Variants in SHBG observed in about 807,000 individuals in gnomAD.
SHBG encodes the protein sex hormone binding globulin, also known as sex hormone-binding globulin.
A neutral mutation model predicts 41.9 loss-of-function variants in SHBG; 37 were observed. The ratio of observed to expected loss-of-function variants is 0.88; its 90% CI spans 0.68 to 1.16. SHBG has a LOEUF of 1.16. Ranked by LOEUF, SHBG falls within the 50% of genes most tolerant of loss-of-function variation. The pLI is 0.00. For synonymous variants in SHBG, 217 were observed against 205.8 expected (o/e 1.05, Z -0.47); for missense variants, 466 against 499.9 (o/e 0.93, Z 0.65).
At chr17:7,628,009 C>A (rs765618129), upstream of SHBG, 1 of 486,090 alleles carries the variant, frequency 2.1e-6, no homozygotes, top group South Asian at 1.5e-5. Flanking sequence ...TGGAGTGAAG[C>A]GGCTTCCTTG....
chr17:7,620,409 C>T (rs959737437), intron 1 of SHBG, among the ~76,000 whole-genome samples: 1 of 152,162 alleles, frequency 6.6e-6, no homozygotes, highest in Non-Finnish European at 1.5e-5. Flanking sequence ...CCCTGCCTCC[C>T]GGGTTCAAGA....
intron 1 of SHBG, among the ~76,000 whole-genome samples, chr17:7,618,990 G>A (rs2072041669): frequency 6.6e-6 from 1 of 152,156 alleles, no homozygotes; most frequent in African/African-American, 2.4e-5. Flanking sequence ...AGCAAACAGA[G>A]AGGACAAGGC....
chr17:7,620,506 G>A (rs944569663), intron 1 of SHBG, among the ~76,000 whole-genome samples: 9 of 151,884 alleles, frequency 5.9e-5, no homozygotes, highest in African/African-American at 1.2e-4. Flanking sequence ...TAGTAGAGAC[G>A]GGTGGGGTTT....
intron 1 of SHBG, among the ~76,000 whole-genome samples, chr17:7,621,062 C>T (rs1395682868): frequency 7.7e-6 from 1 of 129,358 alleles, no homozygotes; most frequent in Admixed American, 9.4e-5. Context: ...CACCACTGCA[C>T]TTGGCCTGGG....
In SHBG at chr17:7,630,367, G is replaced by A. The variant is rs776432399; in HGVS notation, c.112-49G>A. The A allele has an allele frequency of 1.9e-6, 3 of 1,597,182 alleles. No individual in the cohort carries two copies. The highest frequency in any genetic ancestry group is 2.2e-5 in the South Asian group (2 of 90,736). ...TGTAGCAGGGCCTCTCCCTCTGTCT[G>A]TCTCTGACATGTCCCTACTCAGCTT... On this transcript the variant is annotated intron_variant, in intron 1 of 7. Transcript: ENST00000380450. The surrounding 1 kb of genome is among the most constrained non-coding windows in gnomAD (Gnocchi z 4.6).
Position 7,631,592 on chromosome 17 carries a change from G to T in SHBG, c.559G>T (p.Val187Phe). 1.2e-6 allele frequency: 2 copies of T among 1,614,076 alleles called. No individual in the cohort carries two copies. The highest frequency in any genetic ancestry group is 8.5e-7 in the Non-Finnish European group (1 of 1,180,026). ...TCTTATCTCTGTCACACTCCAGCTG[G>T]TTCCTGCCCTGGATGGCTGCCTGCG... ...FPASNLRLPL[V>F]PALDGCLRRD... The change falls in exon 5 of 8, where the codon GTT becomes TTT. Residue 187 changes from valine to phenylalanine, a missense_variant. Transcript: ENST00000380450.
chr17:7,619,169 T>G (rs961848948), intron 1 of SHBG, among the ~76,000 whole-genome samples: 3 of 151,942 alleles, frequency 2.0e-5, no homozygotes, highest in Non-Finnish European at 4.4e-5. Flanking sequence ...GGTGGGCAGA[T>G]CACCTGAGGT....
Position 7,614,855 on chromosome 17 carries a change from C to T in SHBG, c.-62+744C>T, listed in dbSNP as rs1045187022. ...TCCCGGGACCCGCTGCTGCCGCTGC[C>T]GCTCCACAGCCTCCACCTCCCCCTG... On this transcript the variant is annotated intron_variant, in intron 1 of 5. Coordinates refer to the SHBG transcript ENST00000570547. 8 of 161,688 alleles carry T rather than the reference C, an allele frequency of 4.9e-5. No individual in the cohort carries two copies. In the South Asian group the frequency reaches 1.4e-3, roughly 28 times the overall value. The allele number at this position is 161,688 out of a possible 1,614,324, so 10.0% of individuals were successfully genotyped here. A position where few individuals can be genotyped will look rare whatever the true frequency, so the allele number is the denominator to read the frequency against.
In SHBG at chr17:7,632,964, G is replaced by C; in HGVS notation, c.1060+5G>C. The C allele has an allele frequency of 6.2e-7, 1 of 1,611,940 alleles. No individual in the cohort carries two copies. The highest frequency in any genetic ancestry group is 8.5e-7 in the Non-Finnish European group (1 of 1,178,220). On this transcript the variant is annotated splice_donor_5th_base_variant and intron_variant, in intron 7 of 7. Transcript: ENST00000380450. Reference sequence around the variant, plus strand: ...TCTTCCTGGGGGCTTTACCAGGTAAGAGAGAATGATGTTCAAGTTCATGAG... The same window carrying C: ...TCTTCCTGGGGGCTTTACCAGGTAACAGAGAATGATGTTCAAGTTCATGAG...
chr17:7,615,379 G>A (rs2071955072), intron 1 of SHBG, among the ~76,000 whole-genome samples: 1 of 151,882 alleles, frequency 6.6e-6, no homozygotes, highest in Non-Finnish European at 1.5e-5. Flanking sequence ...CAAGGAAAAA[G>A]GTGCTTGGTG....
At chr17:7,629,431 G>C (rs145049744), upstream of SHBG, among the ~76,000 whole-genome samples, 13 of 150,934 alleles carry the variant, frequency 8.6e-5, no homozygotes, top group South Asian at 4.2e-4. Flanking sequence ...CAGGGAGTGG[G>C]TGATTTCTAC....
chr17:7,627,179 CCAAA>C, upstream of SHBG: 3 of 1,614,096 alleles, frequency 1.9e-6, no homozygotes, highest in Non-Finnish European at 2.5e-6. The surrounding 1 kb of genome is among the most constrained non-coding windows in gnomAD (Gnocchi z 4.8). Context: ...ATCTCTGCTA[CCAAA>C]CAGTGATAGA....
At chr17:7,620,739 T>A (rs930630509) in intron 1 of SHBG, among the ~76,000 whole-genome samples, 1 of 151,892 alleles carries the variant, frequency 6.6e-6, no homozygotes, top group African/African-American at 2.4e-5. Flanking sequence ...CAAGTGATTC[T>A]CCTGTCTCAG....
intron 1 of SHBG, among the ~76,000 whole-genome samples, chr17:7,615,845 A>G (rs1256375716): frequency 1.3e-5 from 2 of 150,122 alleles, no homozygotes; most frequent in Admixed American, 6.6e-5. Context: ...AAAAAAAAAA[A>G]AAAAGAAAGA....
chr17:7,621,898 G>A (rs1410976376), intron 1 of SHBG, among the ~76,000 whole-genome samples: 10 of 147,652 alleles, frequency 6.8e-5, no homozygotes, highest in Non-Finnish European at 1.4e-4. Context: ...GTGCAGTGGC[G>A]CAATCTTGGC....
upstream of SHBG, among the ~76,000 whole-genome samples, chr17:7,629,700 A>C (rs1206593702): frequency 6.6e-6 from 1 of 152,176 alleles, no homozygotes; most frequent in Admixed American, 6.5e-5. Flanking sequence ...AAGGACACTG[A>C]AGCACAGAGG....
upstream of SHBG, chr17:7,627,850 G>C (rs1451296967): frequency 1.5e-6 from 1 of 655,614 alleles, no homozygotes; most frequent in Non-Finnish European, 2.8e-6. The surrounding 1 kb of genome is among the most constrained non-coding windows in gnomAD (Gnocchi z 4.8). Flanking sequence ...TCCTCTGTCC[G>C]GGCATAGCCC....
Position 7,630,158 on chromosome 17 carries a change from G to C in SHBG, c.-15G>C, listed in dbSNP as rs752373544. 1 of 1,604,588 alleles carries C rather than the reference G, an allele frequency of 6.2e-7. No homozygotes were observed. The highest frequency in any genetic ancestry group is 1.1e-5 in the South Asian group (1 of 90,890). ...CCAAGAGTTGTCTGAGCCGCCGAGT[G>C]GACAGTGGCTGATTATGGAGAGCAG... On this transcript the variant is annotated 5_prime_UTR_variant, in exon 1 of 8. Transcript: ENST00000380450. This position sits in a 1 kb window ranked among gnomAD's most constrained non-coding sequence, Gnocchi z 4.6.
upstream of SHBG, chr17:7,626,364 G>A (rs1279033027): frequency 1.3e-6 from 2 of 1,504,144 alleles, no homozygotes; most frequent in East Asian, 2.3e-5. Flanking sequence ...CTCAGCATCA[G>A]TGTCTGTGGA....
Sources: gnomAD v4.1 joint callset for allele counts (sites outside exome capture counted in the v4.1 genomes callset) on GRCh38, gnomAD v4.1.1 for gene constraint, Gnocchi (gnomAD v3.1) non-coding constraint, MANE v1.5 for transcripts, NCBI Gene and HGNC (gene_info 2026-07-23, HGNC 2026-07-21) for gene names.